TJP1: variants seen among roughly 807,000 people sequenced by gnomAD.
The protein encoded by TJP1 is tight junction protein ZO-1.
A neutral mutation model predicts 194.2 loss-of-function variants in TJP1; 43 were observed. That is an observed-to-expected ratio of 0.22 (90% CI 0.17 to 0.29). TJP1 has a LOEUF of 0.29. TJP1 is among the 10% of genes least tolerant of loss of function. The pLI is 1.00. For missense variants in TJP1, 1,971 were observed against 2,185.7 expected, an observed-to-expected ratio of 0.90 and a Z score of 1.96; for synonymous variants, 801 against 779.0, an observed-to-expected ratio of 1.03 and a Z score of -0.47.
chr15:29,919,487 A>G (rs2054289120), intron 2 of TJP1, among the ~76,000 whole-genome samples: 1 of 152,210 alleles, frequency 6.6e-6, no homozygotes, highest in Non-Finnish European at 1.5e-5. Flanking sequence ...GTCCTGGTGC[A>G]GTTTTCATTC....
At chr15:29,950,785 T>A (rs928120317) in intron 2 of TJP1, among the ~76,000 whole-genome samples, 1 of 152,142 alleles carries the variant, frequency 6.6e-6, no homozygotes, top group Admixed American at 6.5e-5. Context: ...AGGATGTGTT[T>A]AAAGTCAAAA....
chr15:29,708,413 TG>T (rs1483951145), intron 25 of TJP1, 145 bp downstream of exon 25: 2 of 697,828 alleles, frequency 2.9e-6, no homozygotes, highest in Admixed American at 5.0e-5. Context: ...GGACCTTCTA[TG>T]TAACAGCATT....
At position 29,733,407 on chromosome 15, in the gene TJP1, T is replaced by TA. The variant is rs1314564721; in HGVS notation, c.1517-95dup. On this transcript the variant is annotated intron_variant, in intron 12 of 27. Transcript: ENST00000614355. ...TGTAAAGATGCTATGATAATATCAA[T>TA]AATAATATCCAACAAATTCTTACTA... 4.0e-5 allele frequency: 34 copies of TA among 858,414 alleles called. No individual in the cohort carries two copies. In the African/African-American group the frequency reaches 5.3e-4, roughly 13 times the overall value. The allele number at this position is 858,414 out of a possible 1,614,324, so 53.2% of individuals were successfully genotyped here. A position where few individuals can be genotyped will look rare whatever the true frequency, so the allele number is the denominator to read the frequency against.
chr15:29,856,016 T>G (rs2051836820), intron 2 of TJP1, among the ~76,000 whole-genome samples: 1 of 152,198 alleles, frequency 6.6e-6, no homozygotes, highest in Non-Finnish European at 1.5e-5. Context: ...TATGCAAACA[T>G]TCACAGCAGC....
chr15:29,730,626 A>G lies in TJP1; in HGVS notation c.2017+1807T>C, dbSNP rs979192425. ...AAAAAAAAGAGGAGCAGTGTGAAGA[A>G]GAGGCGAGAACGACCCCCGGACCGA... is the stretch of plus-strand genomic sequence containing the variant. On this transcript the variant is annotated intron_variant, in intron 15 of 27. Coordinates refer to ENST00000614355, the MANE Select transcript of TJP1 (RefSeq NM_001330239.4). The G allele has an allele frequency of 1.3e-4, 80 of 622,912 alleles. 1 individual carries two copies. The highest frequency in any genetic ancestry group is 1.1e-3 in the Admixed American group (53 of 47,850). The allele number at this position is 622,912 out of a possible 1,614,324, so 38.6% of individuals were successfully genotyped here. A position where few individuals can be genotyped will look rare whatever the true frequency, so the allele number is the denominator to read the frequency against.
chr15:29,946,434 T>C (rs2055284803), intron 2 of TJP1, among the ~76,000 whole-genome samples: 1 of 152,148 alleles, frequency 6.6e-6, no homozygotes, highest in Admixed American at 6.5e-5. Context: ...CATGGTGAAT[T>C]AAGTGTGAGA....
At chr15:29,923,818 C>G (rs1234148137) in intron 2 of TJP1, among the ~76,000 whole-genome samples, 1 of 152,184 alleles carries the variant, frequency 6.6e-6, no homozygotes, top group Non-Finnish European at 1.5e-5. Flanking sequence ...TTTAAATTCT[C>G]TCAATAAAGC....
chr15:29,774,506 A>T (rs1054029159), intron 2 of TJP1, among the ~76,000 whole-genome samples: 2 of 152,180 alleles, frequency 1.3e-5, no homozygotes, highest in Non-Finnish European at 2.9e-5. Flanking sequence ...CCAGTCACAA[A>T]GGTTAATAGA....
In TJP1 at chr15:29,719,913, A is replaced by G; in HGVS notation, c.2867T>C (p.Leu956Pro). Residue 956 changes from leucine (L) to proline (P), a missense_variant, in exon 20 of 28, where the codon CTG becomes CCG. Leu to Pro is a moderately conservative substitution (Grantham distance 98). Transcript: ENST00000614355. ...GGAAGGAGCTGGGGTGGGCTCCTCC[A>G]GTCTGACATTAGTTAAATTTACATT... ...NHNVNLTNVRLEEPTPAPSTS... is the reference protein window; with the variant it reads ...NHNVNLTNVRPEEPTPAPSTS... The G allele has an allele frequency of 1.2e-6, 2 of 1,614,162 alleles. No homozygotes were observed. The highest frequency in any genetic ancestry group is 1.7e-6 in the Non-Finnish European group (2 of 1,180,026).
At chr15:29,801,707 C>T (rs1025267465) in intron 1 of TJP1, among the ~76,000 whole-genome samples, 3 of 151,526 alleles carry the variant, frequency 2.0e-5, no homozygotes, top group African/African-American at 7.3e-5. Context: ...CTGATCCGCC[C>T]GCCTCGGCCT....
chr15:29,943,359 G>A (rs1316570261), intron 2 of TJP1, among the ~76,000 whole-genome samples: 4 of 152,218 alleles, frequency 2.6e-5, no homozygotes, highest in African/African-American at 9.6e-5. Flanking sequence ...GCCAGGCACA[G>A]TGGCTCACGC....
At chr15:29,830,791 G>C (rs1160691391) in intron 2 of TJP1, among the ~76,000 whole-genome samples, 2 of 152,086 alleles carry the variant, frequency 1.3e-5, no homozygotes, top group Non-Finnish European at 2.9e-5. Flanking sequence ...CTCCAACTAG[G>C]AACAGCTGAT....
downstream of TJP1, chr15:29,699,984 G>C (rs1318888397): frequency 7.2e-6 from 2 of 279,650 alleles, no homozygotes; most frequent in African/African-American, 4.3e-5. Flanking sequence ...GATGAGCACT[G>C]CCCACCCATC....
intron 2 of TJP1, among the ~76,000 whole-genome samples, chr15:29,799,380 C>T (rs2048626793): frequency 6.6e-6 from 1 of 151,254 alleles, no homozygotes; most frequent in South Asian, 2.1e-4. Flanking sequence ...AATAATGAAA[C>T]ATTAAAAAGT....
At chr15:29,878,293 G>A (rs1479503863) in intron 2 of TJP1, among the ~76,000 whole-genome samples, 5 of 151,882 alleles carry the variant, frequency 3.3e-5, no homozygotes, top group African/African-American at 4.8e-5. Flanking sequence ...TCCGTGATCC[G>A]CCCGCCTCGG....
intron 2 of TJP1, among the ~76,000 whole-genome samples, chr15:29,780,897 A>G (rs556105081): frequency 6.6e-6 from 1 of 152,292 alleles, no homozygotes; most frequent in East Asian, 1.9e-4. Flanking sequence ...CATTAACAAC[A>G]TTACATACAT....
At chr15:29,855,249 T>C (rs890525105) in intron 2 of TJP1, among the ~76,000 whole-genome samples, 1 of 152,180 alleles carries the variant, frequency 6.6e-6, no homozygotes, top group Non-Finnish European at 1.5e-5. Context: ...TGCTTGGTTG[T>C]TGGGTAGAAG....
intron 2 of TJP1, among the ~76,000 whole-genome samples, chr15:29,921,687 A>G (rs1258481442): frequency 1.3e-5 from 2 of 152,316 alleles, no homozygotes; most frequent in African/African-American, 2.4e-5. Context: ...TTGATGGATC[A>G]TATTTTTCAA....
chr15:29,720,081 T>A (rs1814618623), intron 19 of TJP1, 65 bp from the exon 20 acceptor site: 7 of 1,520,814 alleles, frequency 4.6e-6, no homozygotes, highest in Admixed American at 2.2e-5. Context: ...CCACTTCAAT[T>A]TATAGTGATT....
Sources: allele counts gnomAD v4.1 joint callset (sites outside exome capture counted in the v4.1 genomes callset), GRCh38; gene constraint gnomAD v4.1.1; transcripts MANE v1.5; gene names NCBI Gene and HGNC (gene_info 2026-07-23, HGNC 2026-07-21).